Variants in DLGAP2 observed in about 807,000 individuals in gnomAD.
DLGAP2 encodes the protein disks large-associated protein 2.
Under a neutral mutation model 100.3 loss-of-function variants are expected in DLGAP2, and 26 were observed. That is an observed-to-expected ratio of 0.26 (90% CI 0.19 to 0.36). DLGAP2 has a LOEUF of 0.36. Ranked by LOEUF, DLGAP2 falls within the 10% of genes least tolerant of loss-of-function variation. DLGAP2 has a pLI of 1.00. For synonymous variants in DLGAP2, 886 were observed against 630.1 expected, an observed-to-expected ratio of 1.41 and a Z score of -6.08; for missense variants, 1,858 against 1,453.2, an observed-to-expected ratio of 1.28 and a Z score of -4.53.
intron 3 of DLGAP2, among the ~76,000 whole-genome samples, chr8:1,419,738 G>A (rs1797038723): frequency 6.6e-6 from 1 of 152,154 alleles, no homozygotes; most frequent in South Asian, 2.1e-4. Flanking sequence ...ATGTGGAGAA[G>A]GGAATTCTTA....
At chr8:928,096 T>C (rs1336129076) in intron 2 of DLGAP2, among the ~76,000 whole-genome samples, 2 of 152,184 alleles carry the variant, frequency 1.3e-5, no homozygotes, top group Non-Finnish European at 2.9e-5. Context: ...TGGCAGGTCC[T>C]GTGACTGGGG....
chr8:1,624,116 CT>C (rs1797428980), intron 6 of DLGAP2, among the ~76,000 whole-genome samples: 3 of 152,166 alleles, frequency 2.0e-5, no homozygotes, highest in African/African-American at 7.2e-5. Flanking sequence ...GAGAATCCTT[CT>C]TTTATGTTTT....
intron 3 of DLGAP2, among the ~76,000 whole-genome samples, chr8:1,474,185 A>G (rs1204290432): frequency 6.6e-6 from 1 of 152,198 alleles, no homozygotes; most frequent in Non-Finnish European, 1.5e-5. Flanking sequence ...CTCCAACTCC[A>G]TCCAGGTTGT....
intron 1 of DLGAP2, among the ~76,000 whole-genome samples, chr8:799,637 C>G (rs1416358058): frequency 6.6e-6 from 1 of 152,190 alleles, no homozygotes; most frequent in African/African-American, 2.4e-5. Flanking sequence ...GTCTCTGTCA[C>G]CCAGGCTGGA....
intron 3 of DLGAP2, among the ~76,000 whole-genome samples, chr8:1,351,910 G>GTGT (rs1368425421): frequency 1.2e-4 from 12 of 96,172 alleles, no homozygotes; most frequent in South Asian, 4.9e-4. Context: ...TCCTGACTGT[G>GTGT]GAAAGGCCGT....
chr8:1,523,637 G>A (rs770548439), intron 4 of DLGAP2, among the ~76,000 whole-genome samples: 5 of 152,216 alleles, frequency 3.3e-5, no homozygotes, highest in Non-Finnish European at 7.3e-5. Flanking sequence ...CAGGGCTTTG[G>A]TGGTCCATAA....
intron 2 of DLGAP2, among the ~76,000 whole-genome samples, chr8:973,300 C>G (rs534711282): frequency 6.6e-6 from 1 of 151,556 alleles, no homozygotes; most frequent in Non-Finnish European, 1.5e-5. Flanking sequence ...CGGGGGCTGT[C>G]CCCCCACCTC....
intron 2 of DLGAP2, among the ~76,000 whole-genome samples, chr8:1,102,972 ATGAGATTCTGGGGTCTTCG>A (rs1351054778): frequency 6.7e-6 from 1 of 148,886 alleles, no homozygotes; most frequent in Non-Finnish European, 1.5e-5. Flanking sequence ...CGGGGTCTTC[ATGAGATTCTGGGGTCTTCG>A]TGAGTCTGTG....
At chr8:1,484,610 A>T (rs1283865336) in intron 3 of DLGAP2, among the ~76,000 whole-genome samples, 3 of 152,236 alleles carry the variant, frequency 2.0e-5, no homozygotes, top group African/African-American at 7.2e-5. Context: ...ATCAGGGTAA[A>T]ACCAATTCAG....
chr8:1,428,527 G>T (rs1797301797), intron 3 of DLGAP2, among the ~76,000 whole-genome samples: 1 of 152,142 alleles, frequency 6.6e-6, no homozygotes, highest in Non-Finnish European at 1.5e-5. Context: ...ACAGGCCAAG[G>T]ACAGAATAAG....
chr8:1,480,588 A>G lies in DLGAP2; in HGVS notation c.107-20778A>G, dbSNP rs150555404. Among the ~76,000 whole-genome samples the G allele has an allele frequency of 9.8e-3, 1,490 of 152,058 alleles. 18 individuals are homozygous for G. The highest frequency in any genetic ancestry group is 0.029 in the African/African-American group (1,200 of 41,482). On this transcript the variant is annotated intron_variant, in intron 3 of 14. Coordinates refer to ENST00000637795, the MANE Select transcript of DLGAP2 (RefSeq NM_001346810.2). ...GAACAGGCTGGACGCAGTGGCTCAC[A>G]CCTGTAATCCCAGCACTTTGGGAGG...
At chr8:1,313,555 T>G (rs1800660685) in intron 3 of DLGAP2, among the ~76,000 whole-genome samples, 1 of 152,152 alleles carries the variant, frequency 6.6e-6, no homozygotes, top group Non-Finnish European at 1.5e-5. Flanking sequence ...GCTGGGTTCC[T>G]CATAAAGGTT....
chr8:1,490,956 A>G (rs965001465), intron 3 of DLGAP2, among the ~76,000 whole-genome samples: 15 of 150,524 alleles, frequency 1.0e-4, no homozygotes, highest in Non-Finnish European at 1.8e-4. Context: ...GCACACCAAC[A>G]TGGCACATGT....
intron 1 of DLGAP2, among the ~76,000 whole-genome samples, chr8:848,265 AG>A (rs1230171997): frequency 6.6e-6 from 1 of 151,902 alleles, no homozygotes; most frequent in Non-Finnish European, 1.5e-5. Flanking sequence ...ATTCCAGTAT[AG>A]GATCGTGTGG....
At chr8:1,523,280 C>T (rs990563080) in intron 4 of DLGAP2, among the ~76,000 whole-genome samples, 2 of 152,178 alleles carry the variant, frequency 1.3e-5, no homozygotes, top group Non-Finnish European at 2.9e-5. Flanking sequence ...TCTGCTGGGG[C>T]GCAGGATGTG....
chr8:1,451,480 C>T (rs572825292), intron 3 of DLGAP2, among the ~76,000 whole-genome samples: 28 of 149,446 alleles, frequency 1.9e-4, no homozygotes, highest in Middle Eastern at 3.4e-3. Flanking sequence ...GTCCCTGTCC[C>T]GCCTTGATCC....
chr8:1,347,383 T>C (rs1161897163), intron 3 of DLGAP2, among the ~76,000 whole-genome samples: 1 of 151,546 alleles, frequency 6.6e-6, no homozygotes, highest in Non-Finnish European at 1.5e-5. Context: ...ATTGCTCTCA[T>C]GGTAGCTGTG....
chr8:855,801 C>A (rs1278413111), intron 1 of DLGAP2, among the ~76,000 whole-genome samples: 14 of 152,114 alleles, frequency 9.2e-5, no homozygotes, highest in Non-Finnish European at 4.4e-5. Context: ...GAAGAGAAGT[C>A]CTGTGGTCAT....
At chr8:924,509 G>A (rs1025627661) in intron 2 of DLGAP2, among the ~76,000 whole-genome samples, 3 of 152,138 alleles carry the variant, frequency 2.0e-5, no homozygotes, top group African/African-American at 4.8e-5. Flanking sequence ...GGTGCAGGAC[G>A]TGAATTTACA....
Sources: allele counts gnomAD v4.1 joint callset (sites outside exome capture counted in the v4.1 genomes callset), GRCh38; gene constraint gnomAD v4.1.1; transcripts MANE v1.5; gene names NCBI Gene and HGNC (gene_info 2026-07-23, HGNC 2026-07-21).